MCUB: variants seen among roughly 807,000 people sequenced by gnomAD.
MCUB encodes the protein mitochondrial calcium uniporter dominant negative subunit beta.
MCUB carries 46 observed loss-of-function variants against 41.4 expected under a neutral mutation model. That is an observed-to-expected ratio of 1.11 (90% CI 0.88 to 1.42). MCUB has a LOEUF of 1.42. Among genes scored for constraint, MCUB ranks in the 40% most tolerant of loss-of-function variants. The probability of loss-of-function intolerance (pLI) is 0.00; values close to 1 mark genes in which losing one functional copy is unlikely to be tolerated. For missense variants in MCUB, 403 were observed against 404.9 expected, an observed-to-expected ratio of 1.00 and a Z score of 0.04; for synonymous variants, 148 against 148.2, an observed-to-expected ratio of 1.00 and a Z score of 0.01.
chr4:109,565,872 C>T (rs111728147), intron 1 of MCUB, among the ~76,000 whole-genome samples: 5,703 of 144,098 alleles, frequency 0.04, 125 homozygotes, highest in East Asian at 0.052. Flanking sequence ...GGGTCATGCT[C>T]TTGTTGCCCA....
intron 1 of MCUB, among the ~76,000 whole-genome samples, chr4:109,614,781 G>A (rs1487845101): frequency 2.0e-5 from 3 of 151,886 alleles, no homozygotes; most frequent in Non-Finnish European, 2.9e-5. Context: ...CAGACATGAA[G>A]AAAACGCCTT....
intron 3 of MCUB, among the ~76,000 whole-genome samples, chr4:109,663,440 T>C (rs1341267879): frequency 6.6e-6 from 1 of 152,214 alleles, no homozygotes; most frequent in Non-Finnish European, 1.5e-5. Flanking sequence ...CCTGAAATAC[T>C]CCTAGGATAT....
intron 1 of MCUB, among the ~76,000 whole-genome samples, chr4:109,644,332 G>A (rs1015851437): frequency 5.9e-5 from 9 of 152,094 alleles, no homozygotes; most frequent in African/African-American, 1.9e-4. Flanking sequence ...AAAACAAGCA[G>A]CCACAATCCC....
At chr4:109,620,822 C>T (rs930836903) in intron 1 of MCUB, among the ~76,000 whole-genome samples, 10 of 152,106 alleles carry the variant, frequency 6.6e-5, no homozygotes, top group African/African-American at 2.4e-4. Flanking sequence ...TTTATCCCTA[C>T]TTTTACAGGT....
chr4:109,659,950 G>C (rs1049553271), intron 2 of MCUB, among the ~76,000 whole-genome samples: 4 of 152,302 alleles, frequency 2.6e-5, no homozygotes, highest in African/African-American at 9.6e-5. Flanking sequence ...GAGCCACCAT[G>C]CCGGCCACCT....
chr4:109,597,189 CCT>C (rs1404659366), intron 1 of MCUB, among the ~76,000 whole-genome samples: 3 of 152,108 alleles, frequency 2.0e-5, no homozygotes, highest in Non-Finnish European at 4.4e-5. Context: ...ACCTTTCCCC[CCT>C]TTCTATTCCA....
At chr4:109,675,611 G>A (rs1279111743) in intron 4 of MCUB, among the ~76,000 whole-genome samples, 4 of 152,176 alleles carry the variant, frequency 2.6e-5, no homozygotes, top group Non-Finnish European at 5.9e-5. Flanking sequence ...GAGCAGTGCT[G>A]TACTTTGAGT....
chr4:109,593,477 A>C (rs1266372873), intron 1 of MCUB, among the ~76,000 whole-genome samples: 1 of 152,204 alleles, frequency 6.6e-6, no homozygotes, highest in East Asian at 1.9e-4. Context: ...CAGAGACTGG[A>C]TGATTATCTG....
chr4:109,612,240 T>C (rs1024959117), intron 1 of MCUB, among the ~76,000 whole-genome samples: 2 of 150,636 alleles, frequency 1.3e-5, no homozygotes, highest in Non-Finnish European at 2.9e-5. Context: ...AAAGCTCTGG[T>C]ATTTCTTCCT....
intron 2 of MCUB, 118 bp downstream of exon 2, chr4:109,659,204 C>T (rs943084177): frequency 1.5e-6 from 1 of 658,498 alleles, no homozygotes; most frequent in Non-Finnish European, 2.7e-6. Flanking sequence ...CATCCCACCC[C>T]ACCCTGATTG....
chr4:109,651,573 TA>T (rs1291449668), intron 1 of MCUB, among the ~76,000 whole-genome samples: 2 of 152,324 alleles, frequency 1.3e-5, no homozygotes, highest in Non-Finnish European at 2.9e-5. Context: ...TTTCTATACT[TA>T]CATACACACG....
chr4:109,614,287 A>G (rs1332844415), intron 1 of MCUB, among the ~76,000 whole-genome samples: 4 of 152,090 alleles, frequency 2.6e-5, no homozygotes, highest in African/African-American at 7.2e-5. Flanking sequence ...CTATAAACCC[A>G]TGCTGTAGGA....
At chr4:109,654,619 A>T (rs999290806) in intron 1 of MCUB, among the ~76,000 whole-genome samples, 2 of 152,096 alleles carry the variant, frequency 1.3e-5, no homozygotes, top group African/African-American at 4.8e-5. Flanking sequence ...TCAGGAGAAA[A>T]AGAAAAAAAA....
At chr4:109,639,098 A>G (rs1344171039) in intron 1 of MCUB, among the ~76,000 whole-genome samples, 1 of 152,166 alleles carries the variant, frequency 6.6e-6, no homozygotes, top group African/African-American at 2.4e-5. Context: ...TGGTATCTAG[A>G]ATGGTGAACC....
chr4:109,634,501 A>AG (rs915253848), intron 1 of MCUB, among the ~76,000 whole-genome samples: 1 of 151,408 alleles, frequency 6.6e-6, no homozygotes, highest in African/African-American at 2.4e-5. Context: ...AAAAAAAAAA[A>AG]AAGAAGTGTC....
chr4:109,587,443 G>A (rs971555006), intron 1 of MCUB, among the ~76,000 whole-genome samples: 3 of 152,178 alleles, frequency 2.0e-5, no homozygotes, highest in Non-Finnish European at 2.9e-5. Context: ...GCCCTGATTC[G>A]GCTTGGCCTC....
In MCUB at chr4:109,568,827, CAAAT is replaced by C. The variant is rs557121186; in HGVS notation, c.99+8392_99+8395del. On this transcript the variant is annotated intron_variant, in intron 1 of 7. Transcript: ENST00000394650. ...CTGCCCTGGCACAGTAGGTACATAA[CAAAT>C]GAATGAATGGATAGATGACAAAGAA... Among the ~76,000 whole-genome samples, 523 of 152,230 alleles carry C rather than the reference CAAAT, an allele frequency of 3.4e-3. 3 individuals carry two copies. The highest frequency in any genetic ancestry group is 0.012 in the African/African-American group (488 of 41,530).
chr4:109,614,090 A>G (rs2126134102), intron 1 of MCUB, among the ~76,000 whole-genome samples: 1 of 152,334 alleles, frequency 6.6e-6, no homozygotes, highest in South Asian at 2.1e-4. Context: ...GTTGCATGCA[A>G]CAGTCTACCC....
intron 1 of MCUB, among the ~76,000 whole-genome samples, chr4:109,650,662 A>C (rs1310887593): frequency 6.6e-6 from 1 of 152,234 alleles, no homozygotes; most frequent in Non-Finnish European, 1.5e-5. Flanking sequence ...TTAATGACAA[A>C]CAACCATCAA....
Sources: gnomAD v4.1 joint callset for allele counts (sites outside exome capture counted in the v4.1 genomes callset) on GRCh38, gnomAD v4.1.1 for gene constraint, MANE v1.5 for transcripts, NCBI Gene and HGNC (gene_info 2026-07-23, HGNC 2026-07-21) for gene names.